Variants in AKT1 observed in about 807,000 individuals in gnomAD.
The protein encoded by AKT1 is RAC-alpha serine/threonine-protein kinase.
In AKT1, 21 loss-of-function variants were observed where a neutral mutation model predicts 63.1. The observed-to-expected ratio is 0.33, with a 90% CI of 0.24 to 0.48. AKT1 has a LOEUF of 0.48. AKT1 is among the 20% of genes least tolerant of loss of function. The probability of loss-of-function intolerance (pLI) is 0.99; values close to 1 mark genes in which losing one functional copy is unlikely to be tolerated. For missense variants in AKT1, 382 were observed against 666.0 expected, an observed-to-expected ratio of 0.57 and a Z score of 4.69; for synonymous variants, 257 against 253.1, an observed-to-expected ratio of 1.02 and a Z score of -0.15.
Position 104,769,766 on chromosome 14 carries a change from C to A in AKT1, c.*575G>T, listed in dbSNP as rs1892271553. 2.6e-5 allele frequency: 10 copies of A among 390,660 alleles called. No individual in the cohort carries two copies. The highest frequency in any genetic ancestry group is 2.3e-4 in the South Asian group (10 of 43,144). 24.2% of individuals were successfully genotyped at this position (390,660 alleles called of 1,614,324 possible). Reference sequence around the variant, plus strand: ...CCACTGGGTAAACCCTGGCCCATCCCCCATCCCTGGTCCCATCCCAGGGGC... The same window carrying A: ...CCACTGGGTAAACCCTGGCCCATCCACCATCCCTGGTCCCATCCCAGGGGC... On this transcript the variant is annotated 3_prime_UTR_variant, in exon 15 of 15. Transcript: ENST00000649815.
chr14:104,771,113 G>A lies in AKT1; in HGVS notation c.1261-266C>T. The A allele has an allele frequency of 6.0e-6, 3 of 496,548 alleles. No individual in the cohort carries two copies. The Admixed American group carries it at 1.1e-4, about 18-fold the overall frequency. 30.8% of individuals were successfully genotyped at this position (496,548 alleles called of 1,614,324 possible). ...GCCCCAGCAGGCGACAGGAGGTAGTGCAGCCCAGCTCTGAGAGACCCTCCC... is the reference window on the plus strand; with the variant it reads ...GCCCCAGCAGGCGACAGGAGGTAGTACAGCCCAGCTCTGAGAGACCCTCCC... On this transcript the variant is annotated intron_variant, in intron 13 of 14. Coordinates refer to ENST00000649815, the MANE Select transcript of AKT1 (RefSeq NM_001382430.1).
chr14:104,770,291 GC>G lies in AKT1; in HGVS notation c.*49del. The G allele has an allele frequency of 6.4e-7, 1 of 1,556,460 alleles. No homozygotes were observed. The highest frequency in any genetic ancestry group is 8.7e-7 in the Non-Finnish European group (1 of 1,146,590). On this transcript the variant is annotated 3_prime_UTR_variant, in exon 15 of 15. Coordinates refer to ENST00000649815, the MANE Select transcript of AKT1 (RefSeq NM_001382430.1). ...CATTAAATACAGATCATGGCACGAG[GC>G]CGCCTCTCCATCCCTCCAAGCTATC...
chr14:104,792,984 C>T, intron 2 of AKT1, 143 bp downstream of exon 2: 1 of 468,444 alleles, frequency 2.1e-6, no homozygotes, highest in South Asian at 2.5e-5. Flanking sequence ...TTATTCTAGG[C>T]TTAGAGCCTC....
intron 3 of AKT1, among the ~76,000 whole-genome samples, chr14:104,788,134 C>T (rs1408522556): frequency 2.0e-5 from 3 of 152,210 alleles, no homozygotes; most frequent in Non-Finnish European, 4.4e-5. Context: ...AGACCCTCAA[C>T]GCTCCCCCAG....
intron 3 of AKT1, among the ~76,000 whole-genome samples, chr14:104,792,204 A>G (rs1173873339): frequency 6.6e-6 from 1 of 152,184 alleles, no homozygotes; most frequent in African/African-American, 2.4e-5. Context: ...AGCAGGCACC[A>G]GGCCAAGCCA....
At chr14:104,792,320 G>C (rs1344586552) in intron 3 of AKT1, among the ~76,000 whole-genome samples, 1 of 152,184 alleles carries the variant, frequency 6.6e-6, no homozygotes, top group African/African-American at 2.4e-5. Flanking sequence ...GGAAAGCCAG[G>C]AGAGAGGCTG....
intron 3 of AKT1, among the ~76,000 whole-genome samples, chr14:104,783,018 G>A (rs903342440): frequency 6.6e-6 from 1 of 152,138 alleles, no homozygotes; most frequent in African/African-American, 2.4e-5. Flanking sequence ...ATCCAGGACT[G>A]GGGTGACACA....
chr14:104,775,868 C>A, intron 5 of AKT1, 69 bp from the exon 6 acceptor site: 1 of 1,545,210 alleles, frequency 6.5e-7, no homozygotes, highest in Non-Finnish European at 8.7e-7. Flanking sequence ...CTTTCACCCA[C>A]CCGCCAGCCT....
At chr14:104,779,539 C>T (rs1892909329) in intron 4 of AKT1, among the ~76,000 whole-genome samples, 1 of 152,198 alleles carries the variant, frequency 6.6e-6, no homozygotes, top group African/African-American at 2.4e-5. Flanking sequence ...GCTCTGCTGC[C>T]ACTTGTCCGG....
intron 12 of AKT1, 58 bp from the exon 13 acceptor site, chr14:104,772,510 T>C: frequency 6.4e-7 from 1 of 1,558,904 alleles, no homozygotes; most frequent in South Asian, 1.1e-5. Flanking sequence ...GGCCCTGGGT[T>C]CAGGCCCCTT....
Sources: allele counts gnomAD v4.1 joint callset (sites outside exome capture counted in the v4.1 genomes callset), GRCh38; gene constraint gnomAD v4.1.1; transcripts MANE v1.5; gene names NCBI Gene and HGNC (gene_info 2026-07-23, HGNC 2026-07-21).